Variants in CNGA1 observed in about 807,000 individuals in gnomAD.
CNGA1 encodes the protein cyclic nucleotide-gated channel alpha-1.
A neutral mutation model predicts 69.7 loss-of-function variants in CNGA1; 53 were observed. The observed-to-expected ratio is 0.76, with a 90% CI of 0.61 to 0.96. The LOEUF (loss-of-function observed/expected upper bound fraction) is 0.96. CNGA1 is among the 40% of genes least tolerant of loss of function. The probability of loss-of-function intolerance (pLI) is 0.00; values close to 1 mark genes in which losing one functional copy is unlikely to be tolerated. For missense variants in CNGA1, 739 were observed against 811.2 expected (o/e 0.91, Z 1.08); for synonymous variants, 249 against 283.5 (o/e 0.88, Z 1.22).
At chr4:47,950,563 C>G (rs938709232) in intron 5 of CNGA1, among the ~76,000 whole-genome samples, 4 of 151,776 alleles carry the variant, frequency 2.6e-5, no homozygotes, top group African/African-American at 9.7e-5. Context: ...TAACTCCCAA[C>G]AAGAAACCTA....
intron 3 of CNGA1, among the ~76,000 whole-genome samples, chr4:47,978,481 C>A (rs923463310): frequency 1.3e-5 from 2 of 151,686 alleles, no homozygotes; most frequent in Admixed American, 6.6e-5. Flanking sequence ...TGTATTATAC[C>A]GTCTAACTAT....
Position 47,937,396 on chromosome 4 carries a change from T to G in CNGA1, c.1086A>C (p.Thr362=), listed in dbSNP as rs769889406. 6.2e-7 allele frequency: 1 copy of G among 1,613,768 alleles called. No individual in the cohort carries two copies. Among genetic ancestry groups the G allele is most frequent in the South Asian group, 1.1e-5 (1 of 91,062 alleles). Residue 362 remains threonine, a synonymous_variant, in exon 11 of 11, where the codon ACA becomes ACC. Transcript: ENST00000514170. ...ACTCAGAATCCCTCACGGGAGGGGG[T>G]GTTTCACCAATGGTAGTCAAAGTCA... The part of the protein sequence containing the change: ...STLTLTTIGE[T]PPPVRDSEYV...
At chr4:47,949,489 AG>A (rs1739615535) in intron 6 of CNGA1, among the ~76,000 whole-genome samples, 2 of 152,270 alleles carry the variant, frequency 1.3e-5, no homozygotes, top group South Asian at 4.1e-4. Flanking sequence ...TCTGCATACA[AG>A]CCTCCATCTC....
chr4:47,957,948 G>A (rs557334149), intron 3 of CNGA1, among the ~76,000 whole-genome samples: 8 of 145,918 alleles, frequency 5.5e-5, no homozygotes, highest in Non-Finnish European at 8.9e-5. Flanking sequence ...AGGATGGAGT[G>A]CAGTGGCGGG....
intron 7 of CNGA1, 27 bp from the exon 8 acceptor site, chr4:47,943,315 A>C (rs1290884920): frequency 6.5e-7 from 1 of 1,541,800 alleles, no homozygotes; most frequent in Admixed American, 2.0e-5. Context: ...AGTAGTATTA[A>C]AATACAGAAA....
At chr4:47,976,201 A>G (rs28470423) in intron 3 of CNGA1, among the ~76,000 whole-genome samples, 23 of 15,600 alleles carry the variant, frequency 1.5e-3, no homozygotes, top group African/African-American at 2.5e-3. Context: ...ATATATATGT[A>G]TATATATATA....
chr4:47,996,654 A>C (rs1483697141), intron 2 of CNGA1, among the ~76,000 whole-genome samples: 3 of 152,170 alleles, frequency 2.0e-5, no homozygotes, highest in Admixed American at 2.0e-4. Flanking sequence ...AATTGTATTA[A>C]GTTTCTGGTT....
At chr4:47,972,265 C>A (rs1741087910) in intron 3 of CNGA1, among the ~76,000 whole-genome samples, 2 of 152,202 alleles carry the variant, frequency 1.3e-5, no homozygotes, top group South Asian at 4.1e-4. Context: ...ATTTTTATTT[C>A]TTTCCTACTA....
intron 2 of CNGA1, among the ~76,000 whole-genome samples, chr4:48,000,062 T>C (rs1714593634): frequency 6.6e-6 from 1 of 151,924 alleles, no homozygotes; most frequent in Non-Finnish European, 1.5e-5. Context: ...TTCAGTAGAA[T>C]AGAAAATGTA....
intron 3 of CNGA1, among the ~76,000 whole-genome samples, chr4:47,954,726 A>G (rs1739959252): frequency 6.6e-6 from 1 of 152,240 alleles, no homozygotes; most frequent in South Asian, 2.1e-4. Flanking sequence ...AGCCACTTAA[A>G]GAACATACTT....
At position 47,937,781 on chromosome 4, in the gene CNGA1, T is replaced by C; in HGVS notation, c.701A>G (p.Asn234Ser). Reference sequence around the variant, plus strand: ...AAATTGCAAGTTGGATTTATATTTATTTATGAGTTTAAGTTCTTCCTTTAC... The same window carrying C: ...AAATTGCAAGTTGGATTTATATTTACTTATGAGTTTAAGTTCTTCCTTTAC... The part of the protein sequence containing the change: ...LLVKEELKLI[N>S]KYKSNLQFKL... The change falls in exon 11 of 11, where the codon AAT (asparagine) becomes AGT (serine). Residue 234 changes from asparagine (N) to serine (S), a missense_variant. Transcript: ENST00000514170. 6.2e-7 allele frequency: 1 copy of C among 1,613,410 alleles called. No individual in the cohort carries two copies. Among genetic ancestry groups the C allele is most frequent in the Non-Finnish European group, 8.5e-7 (1 of 1,179,564 alleles).
intron 3 of CNGA1, among the ~76,000 whole-genome samples, chr4:47,961,228 T>G (rs1740416384): frequency 6.6e-6 from 1 of 152,220 alleles, no homozygotes; most frequent in Non-Finnish European, 1.5e-5. Context: ...ATCTCCTCCT[T>G]GAAGCTGTCT....
intron 3 of CNGA1, among the ~76,000 whole-genome samples, chr4:47,959,506 A>C (rs1740295641): frequency 6.6e-6 from 1 of 152,224 alleles, no homozygotes. Context: ...TAAACACAAA[A>C]GCTAAAATTA....
intron 2 of CNGA1, among the ~76,000 whole-genome samples, chr4:48,001,157 G>A (rs1027562820): frequency 1.3e-5 from 2 of 152,068 alleles, no homozygotes; most frequent in African/African-American, 4.8e-5. Context: ...GGAAAAAAAA[G>A]GCATGTCATA....
At chr4:47,952,307 G>T (rs939037598) in intron 4 of CNGA1, among the ~76,000 whole-genome samples, 1 of 152,084 alleles carries the variant, frequency 6.6e-6, no homozygotes, top group Admixed American at 6.6e-5. Flanking sequence ...GGCAGAGGTT[G>T]CAGTGAGCTG....
At chr4:47,961,076 G>T (rs7662681) in intron 3 of CNGA1, among the ~76,000 whole-genome samples, 49,055 of 152,066 alleles carry the variant, frequency 0.32, 9,444 homozygotes, top group Non-Finnish European at 0.43. Context: ...AAAAATATTT[G>T]CATCAAAAAT....
intron 2 of CNGA1, among the ~76,000 whole-genome samples, chr4:47,995,259 T>C (rs1474369060): frequency 6.6e-6 from 1 of 152,168 alleles, no homozygotes; most frequent in Non-Finnish European, 1.5e-5. Flanking sequence ...TAGATTCTTC[T>C]CCCAAATATG....
intron 2 of CNGA1, among the ~76,000 whole-genome samples, chr4:47,985,768 A>C (rs11944867): frequency 0.12 from 16,937 of 138,426 alleles, 1,528 homozygotes; most frequent in East Asian, 0.32. Flanking sequence ...CCACCCCCCC[A>C]AAAAAAACCA....
At chr4:47,983,634 AAAAGAG>A (rs1011907511) in intron 2 of CNGA1, among the ~76,000 whole-genome samples, 2 of 147,668 alleles carry the variant, frequency 1.4e-5, no homozygotes, top group African/African-American at 5.2e-5. Flanking sequence ...AAGAAAAAGA[AAAAGAG>A]AATAAGCCCC....
Sources: allele counts gnomAD v4.1 joint callset (sites outside exome capture counted in the v4.1 genomes callset), GRCh38; gene constraint gnomAD v4.1.1; transcripts MANE v1.5; gene names NCBI Gene and HGNC (gene_info 2026-07-23, HGNC 2026-07-21).